The following OR3A2 variants were observed in gnomAD, a reference collection of about 807,000 sequenced individuals.
The protein encoded by OR3A2 is olfactory receptor 3A2.
For missense variants in OR3A2, 318 were observed against 392.8 expected (o/e 0.81, Z 1.61); for synonymous variants, 126 against 159.3 (o/e 0.79, Z 1.57).
chr17:3,303,687 G>A (rs969070504), intron 3 of OR3A2, among the ~76,000 whole-genome samples: 10 of 149,382 alleles, frequency 6.7e-5, no homozygotes, highest in African/African-American at 2.0e-4. Context: ...AGAGGCTGCA[G>A]TGAGTCAAGA....
intron 3 of OR3A2, among the ~76,000 whole-genome samples, chr17:3,298,577 T>C (rs1417306128): frequency 6.6e-6 from 1 of 152,202 alleles, no homozygotes; most frequent in East Asian, 1.9e-4. Context: ...TCCCAGATCT[T>C]TCTCTCACTT....
At chr17:3,361,727 T>C (rs1350116280) in intron 2 of OR3A2, among the ~76,000 whole-genome samples, 1 of 151,738 alleles carries the variant, frequency 6.6e-6, no homozygotes, top group Non-Finnish European at 1.5e-5. Context: ...TTTATTGATT[T>C]GTGTATGTTG....
chr17:3,334,353 A>G (rs559388456), intron 3 of OR3A2, among the ~76,000 whole-genome samples: 18 of 152,182 alleles, frequency 1.2e-4, no homozygotes, highest in Non-Finnish European at 2.5e-4. Flanking sequence ...ATCGTCATGA[A>G]AAACACTATT....
chr17:3,325,165 T>C (rs531905598), intron 3 of OR3A2, among the ~76,000 whole-genome samples: 1 of 152,084 alleles, frequency 6.6e-6, no homozygotes, highest in South Asian at 2.1e-4. Flanking sequence ...GGTACAACTT[T>C]ATTTTAACTC....
intron 2 of OR3A2, among the ~76,000 whole-genome samples, chr17:3,359,738 A>C (rs1388582885): frequency 2.0e-5 from 3 of 151,706 alleles, no homozygotes; most frequent in Non-Finnish European, 4.4e-5. Context: ...TGTCCCTACA[A>C]AGGACATGAA....
chr17:3,338,137 CTTTG>C (rs752515219), intron 2 of OR3A2, among the ~76,000 whole-genome samples: 6 of 152,044 alleles, frequency 3.9e-5, no homozygotes, highest in African/African-American at 7.2e-5. Flanking sequence ...TTTCTTGTAA[CTTTG>C]TTTAAGTTCT....
chr17:3,356,675 C>A (rs1471976488), intron 2 of OR3A2, among the ~76,000 whole-genome samples: 2 of 151,446 alleles, frequency 1.3e-5, no homozygotes, highest in Non-Finnish European at 2.9e-5. Flanking sequence ...AACCTAGCAT[C>A]CAGATCACCA....
intron 3 of OR3A2, chr17:3,291,559 T>G (rs915861789): frequency 1.6e-6 from 2 of 1,235,540 alleles, no homozygotes; most frequent in African/African-American, 3.0e-5. Flanking sequence ...GTGAACCATT[T>G]TTTTCCTAGT....
intron 2 of OR3A2, among the ~76,000 whole-genome samples, chr17:3,348,005 G>T (rs923911133): frequency 4.6e-5 from 7 of 152,166 alleles, no homozygotes; most frequent in Non-Finnish European, 8.8e-5. Context: ...GTGATGGTGA[G>T]CATTTTTTCA....
chr17:3,313,567 T>C lies in OR3A2; in HGVS notation c.-85+22466A>G, dbSNP rs117817689. On this transcript the variant is annotated intron_variant, in intron 3 of 4. Transcript: ENST00000573491. ...GTCTTTCTGATCAAATCTAGACCTT[T>C]CTCAGGTAGGCAAAGTCTTCCATCA... is the stretch of plus-strand genomic sequence containing the variant. 8.7e-4 allele frequency among the ~76,000 whole-genome samples: 132 copies of C among 152,340 alleles called. 2 individuals carry two copies. In the East Asian group the frequency reaches 0.025, roughly 29 times the overall value.
chr17:3,328,210 G>C (rs12602293), intron 3 of OR3A2, among the ~76,000 whole-genome samples: 39,189 of 101,370 alleles, frequency 0.39, 7,510 homozygotes, highest in Admixed American at 0.5. Context: ...TCTTCCATTT[G>C]TTTGTATCCT....
intron 3 of OR3A2, among the ~76,000 whole-genome samples, chr17:3,315,760 G>C (rs796218134): frequency 1.2e-5 from 1 of 86,860 alleles, no homozygotes; most frequent in African/African-American, 6.7e-5. Context: ...ATGGGGGGGG[G>C]GGCGGTAGTA....
Position 3,292,485 on chromosome 17 carries a change from A to T in OR3A2, c.-84-13332T>A, listed in dbSNP as rs2048884916. The T allele has an allele frequency of 2.5e-6, 4 of 1,613,608 alleles. No homozygotes were observed. In the African/African-American group the frequency reaches 5.4e-5, roughly 22 times the overall value. ...CGTGACCAGGTAGGCAAAGAGGAAGAGCACAAAGACAACTGGCTGCAGCCC... is the reference window on the plus strand; with the variant it reads ...CGTGACCAGGTAGGCAAAGAGGAAGTGCACAAAGACAACTGGCTGCAGCCC... On this transcript the variant is annotated intron_variant, in intron 3 of 4. Coordinates refer to the OR3A2 transcript ENST00000573491.
At chr17:3,337,020 C>G (rs530957270) in intron 2 of OR3A2, among the ~76,000 whole-genome samples, 2 of 152,206 alleles carry the variant, frequency 1.3e-5, no homozygotes, top group Non-Finnish European at 2.9e-5. Context: ...ACATGGGTTC[C>G]GATATCTGTG....
At chr17:3,379,088 T>C (rs1200330317) in intron 2 of OR3A2, among the ~76,000 whole-genome samples, 1 of 152,158 alleles carries the variant, frequency 6.6e-6, no homozygotes, top group African/African-American at 2.4e-5. Context: ...TCAACAAGGC[T>C]GGGACCCCAT....
chr17:3,368,656 A>C (rs922994018), intron 2 of OR3A2, among the ~76,000 whole-genome samples: 1 of 152,202 alleles, frequency 6.6e-6, no homozygotes, highest in Non-Finnish European at 1.5e-5. Context: ...TATAGTTATA[A>C]GTTGGGTAAC....
At chr17:3,310,568 C>G (rs9905086) in intron 3 of OR3A2, 72,194 of 536,600 alleles carry the variant, frequency 0.13, 7,579 homozygotes, top group African/African-American at 0.41. Flanking sequence ...CCATGCTGAG[C>G]CATTTCATAT....
At chr17:3,326,630 G>A (rs1292806776) in intron 3 of OR3A2, among the ~76,000 whole-genome samples, 1 of 147,572 alleles carries the variant, frequency 6.8e-6, no homozygotes, top group Non-Finnish European at 1.5e-5. Flanking sequence ...GTATACATGT[G>A]CCATGCTGGT....
chr17:3,343,985 G>T (rs951131600), intron 2 of OR3A2, among the ~76,000 whole-genome samples: 12 of 152,154 alleles, frequency 7.9e-5, no homozygotes, highest in Non-Finnish European at 1.3e-4. Context: ...ATTCTACTTT[G>T]TCTAGGAAGT....
Sources: allele counts gnomAD v4.1 joint callset (sites outside exome capture counted in the v4.1 genomes callset), GRCh38; gene constraint gnomAD v4.1.1; transcripts MANE v1.5; gene names NCBI Gene and HGNC (gene_info 2026-07-23, HGNC 2026-07-21).